The following CHST9 variants were observed in gnomAD, a reference collection of about 807,000 sequenced individuals.
CHST9 encodes the protein GalNAc-4-sulfotransferase 2.
In CHST9, 41 loss-of-function variants were observed where a neutral mutation model predicts 44.4. The observed-to-expected ratio is 0.92, with a 90% CI of 0.72 to 1.20. CHST9 has a LOEUF of 1.20. Among genes scored for constraint, CHST9 ranks in the 50% most tolerant of loss-of-function variants. CHST9 has a pLI of 0.00. For missense variants in CHST9, 504 were observed against 516.5 expected, an observed-to-expected ratio of 0.98 and a Z score of 0.23; for synonymous variants, 171 against 178.4, an observed-to-expected ratio of 0.96 and a Z score of 0.33.
intron 4 of CHST9, among the ~76,000 whole-genome samples, chr18:27,001,154 TGAG>T (rs1296365354): frequency 6.6e-6 from 1 of 151,978 alleles, no homozygotes; most frequent in Non-Finnish European, 1.5e-5. Flanking sequence ...CTTTGAAAAA[TGAG>T]GAGGATACAA....
chr18:27,117,437 G>T (rs1026311823), intron 2 of CHST9, among the ~76,000 whole-genome samples: 3 of 152,006 alleles, frequency 2.0e-5, no homozygotes, highest in African/African-American at 7.3e-5. Context: ...TTCACTTTTG[G>T]TATTGCACAT....
At chr18:27,062,273 T>C (rs1196409783) in intron 2 of CHST9, among the ~76,000 whole-genome samples, 1 of 152,132 alleles carries the variant, frequency 6.6e-6, no homozygotes, top group Non-Finnish European at 1.5e-5. Flanking sequence ...TAACTTGTCA[T>C]TTACATTAGG....
intron 4 of CHST9, among the ~76,000 whole-genome samples, chr18:26,958,023 A>G (rs566271687): frequency 7.2e-6 from 1 of 139,214 alleles, no homozygotes; most frequent in Non-Finnish European, 1.6e-5. Context: ...AGTAGCTGGG[A>G]TTACAGGCAT....
chr18:27,141,672 T>C (rs1404912500), intron 2 of CHST9, among the ~76,000 whole-genome samples: 2 of 140,670 alleles, frequency 1.4e-5, no homozygotes, highest in East Asian at 4.2e-4. Context: ...TTAAAAATAA[T>C]CATAGTTGTA....
intron 2 of CHST9, among the ~76,000 whole-genome samples, chr18:27,054,942 C>T (rs1464765145): frequency 1.3e-5 from 2 of 152,114 alleles, no homozygotes; most frequent in Non-Finnish European, 2.9e-5. Flanking sequence ...ATAGTCTCCT[C>T]TCTAAAATAT....
chr18:26,970,227 G>A (rs1472076550), intron 4 of CHST9, among the ~76,000 whole-genome samples: 1 of 152,186 alleles, frequency 6.6e-6, no homozygotes, highest in Non-Finnish European at 1.5e-5. Flanking sequence ...AAATCTTTGA[G>A]CTGCAAATGG....
At chr18:27,034,460 TA>T (rs910835822) in intron 3 of CHST9, among the ~76,000 whole-genome samples, 10 of 152,208 alleles carry the variant, frequency 6.6e-5, no homozygotes, top group Admixed American at 2.0e-4. Context: ...TCAGAGAGCT[TA>T]AAAAAAATTT....
chr18:27,136,880 T>C (rs2058517215), intron 2 of CHST9, among the ~76,000 whole-genome samples: 1 of 152,178 alleles, frequency 6.6e-6, no homozygotes, highest in African/African-American at 2.4e-5. Context: ...TGGTTTCAGT[T>C]TGGAATGGCT....
At chr18:27,076,334 AAT>A (rs1491377745) in intron 2 of CHST9, among the ~76,000 whole-genome samples, 1 of 152,116 alleles carries the variant, frequency 6.6e-6, no homozygotes, top group Non-Finnish European at 1.5e-5. Context: ...GTTATTAATG[AAT>A]GTGTGTGTGT....
intron 2 of CHST9, among the ~76,000 whole-genome samples, chr18:27,131,443 TG>T (rs1164662859): frequency 1.3e-5 from 2 of 152,260 alleles, no homozygotes; most frequent in East Asian, 3.9e-4. Context: ...TCCAGCTACT[TG>T]GGTGGCTGAG....
intron 5 of CHST9, among the ~76,000 whole-genome samples, chr18:26,927,325 G>A (rs553407006): frequency 9.2e-5 from 14 of 152,188 alleles, no homozygotes; most frequent in African/African-American, 3.4e-4. Flanking sequence ...CTCGTCGGGG[G>A]GCGGGGGTAC....
chr18:27,024,103 G>A lies in CHST9; in HGVS notation c.202+13C>T, dbSNP rs558159756. ...ACTACCCAAGATTCAAACATTATGA[G>A]GAAGTTACTCACTGATTCTGGGTAC... On this transcript the variant is annotated intron_variant, in intron 4 of 5. Coordinates refer to ENST00000618847, the MANE Select transcript of CHST9 (RefSeq NM_031422.6). 2 of 1,610,506 alleles carry A rather than the reference G, an allele frequency of 1.2e-6. No homozygotes were observed. Among genetic ancestry groups the A allele is most frequent in the Admixed American group, 3.4e-5 (2 of 59,634 alleles).
chr18:26,933,190 C>T (rs181674144), intron 5 of CHST9: 409 of 153,880 alleles, frequency 2.7e-3, no homozygotes, highest in South Asian at 6.8e-3. Flanking sequence ...GGAGAGGTAG[C>T]TCTGAAGACC....
chr18:26,947,839 C>T (rs572617815), intron 4 of CHST9, among the ~76,000 whole-genome samples: 11 of 152,250 alleles, frequency 7.2e-5, no homozygotes, highest in East Asian at 3.9e-4. Context: ...GACAATGTGG[C>T]GACTCCTCAA....
intron 3 of CHST9, among the ~76,000 whole-genome samples, chr18:27,024,446 G>C (rs2057261593): frequency 6.6e-6 from 1 of 152,180 alleles, no homozygotes; most frequent in African/African-American, 2.4e-5. Flanking sequence ...CAGGGACTGG[G>C]GGGTGGGTAG....
At chr18:26,987,462 T>TA (rs1371402918) in intron 4 of CHST9, among the ~76,000 whole-genome samples, 2 of 151,862 alleles carry the variant, frequency 1.3e-5, no homozygotes, top group East Asian at 3.9e-4. Flanking sequence ...ACAATAAACA[T>TA]AAAAAACCGA....
At chr18:27,134,600 AT>A (rs1479821133) in intron 2 of CHST9, among the ~76,000 whole-genome samples, 2 of 152,196 alleles carry the variant, frequency 1.3e-5, no homozygotes, top group Non-Finnish European at 2.9e-5. Context: ...AAAAAAGAGT[AT>A]TTTCAGGCAA....
At chr18:27,174,429 TA>T (rs11291267) in intron 1 of CHST9, among the ~76,000 whole-genome samples, 2,616 of 151,842 alleles carry the variant, frequency 0.017, 67 homozygotes, top group African/African-American at 0.058. Flanking sequence ...TCATGTATCA[TA>T]AAAAAAATAC....
rs1378652972 is a variant in CHST9, at chr18:26,916,568, G to T, written c.1023C>A (p.His341Gln). The change falls in exon 6 of 6, where the codon CAC becomes CAA. Residue 341 changes from histidine to glutamine, a missense_variant. Transcript: ENST00000618847. ...KEFIHYLLDS[H>Q]RPVGMDIHWE... ...AGTGAATGTCCATTCCTACTGGACG[G>T]TGGGAATCCAGCAAGTAGTGGATAA... The T allele has an allele frequency of 6.2e-7, 1 of 1,613,802 alleles. No homozygotes were observed. The highest frequency in any genetic ancestry group is 8.5e-7 in the Non-Finnish European group (1 of 1,179,728).
Sources: gnomAD v4.1 joint callset for allele counts (sites outside exome capture counted in the v4.1 genomes callset) on GRCh38, gnomAD v4.1.1 for gene constraint, MANE v1.5 for transcripts, NCBI Gene and HGNC (gene_info 2026-07-23, HGNC 2026-07-21) for gene names.